DLGAP1: variants seen among roughly 807,000 people sequenced by gnomAD.
DLGAP1 encodes disks large-associated protein 1.
In DLGAP1, 11 loss-of-function variants were observed where a neutral mutation model predicts 90.8. The observed-to-expected ratio is 0.12, with a 90% confidence interval of 0.08 to 0.20. The LOEUF (loss-of-function observed/expected upper bound fraction) is 0.20, where lower values mean the gene tolerates loss of function less well. Among genes scored for constraint, DLGAP1 ranks in the 10% least tolerant of loss-of-function variants. The pLI, the probability that DLGAP1 is intolerant of heterozygous loss-of-function variation, is 1.00. For missense variants in DLGAP1, 1,050 were observed against 1,333.8 expected (o/e 0.79, Z 3.31); for synonymous variants, 558 against 540.7 (o/e 1.03, Z -0.44).
At chr18:3,664,217 CCCACA>C (rs2059797774) in intron 7 of DLGAP1, among the ~76,000 whole-genome samples, 4 of 86,280 alleles carry the variant, frequency 4.6e-5, no homozygotes, top group South Asian at 2.7e-4. Flanking sequence ...CACACACACA[CCCACA>C]CACACACACA....
At chr18:3,710,097 T>G (rs564772677) in intron 7 of DLGAP1, among the ~76,000 whole-genome samples, 59 of 152,362 alleles carry the variant, frequency 3.9e-4, no homozygotes, top group African/African-American at 1.4e-3. Flanking sequence ...GTTTAGCACA[T>G]ATAGCTTGGG....
intron 5 of DLGAP1, among the ~76,000 whole-genome samples, chr18:3,778,723 G>C (rs1316633618): frequency 2.0e-5 from 3 of 152,112 alleles, no homozygotes; most frequent in African/African-American, 7.2e-5. Context: ...GGCTAGGCAT[G>C]GATACGGGAA....
intron 3 of DLGAP1, among the ~76,000 whole-genome samples, chr18:3,979,023 T>C (rs968171028): frequency 3.3e-5 from 5 of 152,230 alleles, no homozygotes; most frequent in Admixed American, 3.3e-4. Context: ...TAAAATGTGG[T>C]ATATATAAAC....
chr18:4,302,183 C>A (rs896540505), intron 1 of DLGAP1, among the ~76,000 whole-genome samples: 2 of 152,084 alleles, frequency 1.3e-5, no homozygotes, highest in African/African-American at 4.8e-5. Context: ...TTGTTGCCTG[C>A]ATTTTTGGAG....
chr18:4,208,927 T>C (rs1490442069), intron 1 of DLGAP1, among the ~76,000 whole-genome samples: 2 of 152,156 alleles, frequency 1.3e-5, no homozygotes, highest in African/African-American at 4.8e-5. Flanking sequence ...ACTCATTACC[T>C]GCAGAAAGCA....
At chr18:4,278,859 T>C (rs1314799031) in intron 1 of DLGAP1, among the ~76,000 whole-genome samples, 1 of 152,188 alleles carries the variant, frequency 6.6e-6, no homozygotes, top group African/African-American at 2.4e-5. Flanking sequence ...ATAGGTATCT[T>C]TGTGATATAA....
chr18:3,736,282 C>T (rs1396352257), intron 6 of DLGAP1, among the ~76,000 whole-genome samples: 1 of 152,122 alleles, frequency 6.6e-6, no homozygotes, highest in Non-Finnish European at 1.5e-5. Flanking sequence ...TCAAGCCCTA[C>T]TTTAAAAGCC....
intron 2 of DLGAP1, among the ~76,000 whole-genome samples, chr18:4,028,665 C>G (rs1364748340): frequency 6.6e-6 from 1 of 152,156 alleles, no homozygotes; most frequent in Non-Finnish European, 1.5e-5. Context: ...ATCTTTTTTA[C>G]CTTTATCACA....
chr18:3,667,003 A>C (rs1455385509), intron 7 of DLGAP1, among the ~76,000 whole-genome samples: 1 of 152,062 alleles, frequency 6.6e-6, no homozygotes, highest in Non-Finnish European at 1.5e-5. Flanking sequence ...TCCTGACCTC[A>C]AGTGATCCTC....
At chr18:3,965,644 C>T (rs1451096585) in intron 3 of DLGAP1, among the ~76,000 whole-genome samples, 3 of 152,090 alleles carry the variant, frequency 2.0e-5, no homozygotes, top group Non-Finnish European at 4.4e-5. Flanking sequence ...CCTGCAAGTA[C>T]TGTTCTAAAT....
chr18:3,714,072 C>G (rs1486796680), intron 7 of DLGAP1, among the ~76,000 whole-genome samples: 1 of 152,144 alleles, frequency 6.6e-6, no homozygotes, highest in East Asian at 1.9e-4. Context: ...GAAACAATTT[C>G]TTAGGAAAGA....
chr18:4,034,295 G>C (rs1223899339), intron 2 of DLGAP1, among the ~76,000 whole-genome samples: 19 of 152,008 alleles, frequency 1.2e-4, no homozygotes, highest in Admixed American at 1.2e-3. Flanking sequence ...ACCCGCCTTG[G>C]CCTCCCAAAG....
chr18:3,922,539 T>C (rs58561464), intron 3 of DLGAP1, among the ~76,000 whole-genome samples: 3,887 of 152,300 alleles, frequency 0.026, 144 homozygotes, highest in African/African-American at 0.088. Flanking sequence ...CTACAACTTG[T>C]TTTCTTCACT....
intron 7 of DLGAP1, among the ~76,000 whole-genome samples, chr18:3,669,514 T>C (rs1390212437): frequency 1.3e-5 from 2 of 151,354 alleles, no homozygotes; most frequent in African/African-American, 2.4e-5. Flanking sequence ...AAGACACGAG[T>C]GGTTATGTGT....
At chr18:4,200,808 C>T (rs577412448) in intron 1 of DLGAP1, among the ~76,000 whole-genome samples, 1 of 152,180 alleles carries the variant, frequency 6.6e-6, no homozygotes, top group South Asian at 2.1e-4. Context: ...TTAATTTCTA[C>T]ATGTAAATAT....
chr18:4,064,595 A>C (rs2075345887), intron 2 of DLGAP1, among the ~76,000 whole-genome samples: 1 of 152,128 alleles, frequency 6.6e-6, no homozygotes, highest in Non-Finnish European at 1.5e-5. Flanking sequence ...AAAATCTAGA[A>C]GAAATGGATA....
intron 5 of DLGAP1, among the ~76,000 whole-genome samples, chr18:3,756,717 A>T (rs566949696): frequency 6.6e-6 from 1 of 152,192 alleles, no homozygotes; most frequent in East Asian, 1.9e-4. Flanking sequence ...TAGCAAGATT[A>T]AACAAGAAAA....
chr18:4,132,821 C>T (rs976469), intron 2 of DLGAP1, among the ~76,000 whole-genome samples: 5,887 of 152,094 alleles, frequency 0.039, 313 homozygotes, highest in African/African-American at 0.12. Context: ...CTGGGTATTA[C>T]GAAAGCTTCA....
chr18:3,577,632 C>T (rs2055235296), intron 8 of DLGAP1, among the ~76,000 whole-genome samples: 3 of 152,172 alleles, frequency 2.0e-5, no homozygotes, highest in Admixed American at 2.0e-4. Context: ...TTCATCAGAA[C>T]AAGAATGGAG....
Sources: allele counts gnomAD v4.1 joint callset (sites outside exome capture counted in the v4.1 genomes callset), GRCh38; gene constraint gnomAD v4.1.1; transcripts MANE v1.5; gene names NCBI Gene and HGNC (gene_info 2026-07-23, HGNC 2026-07-21).